The following MREG variants were observed in gnomAD, a reference collection of about 807,000 sequenced individuals.
The protein encoded by MREG is dilute suppressor protein homolog.
A neutral mutation model predicts 28.5 loss-of-function variants in MREG; 31 were observed. The ratio of observed to expected loss-of-function variants is 1.09; its 90% confidence interval spans 0.82 to 1.47. MREG has a LOEUF of 1.47. MREG is among the 40% of genes most tolerant of loss of function. The pLI is 0.00. For missense variants in MREG, 256 were observed against 257.4 expected (o/e 0.99, Z 0.04); for synonymous variants, 106 against 95.2 (o/e 1.11, Z -0.66).
At chr2:215,982,328 A>T (rs1163233668) in intron 2 of MREG, among the ~76,000 whole-genome samples, 1 of 120,240 alleles carries the variant, frequency 8.3e-6, no homozygotes, top group East Asian at 2.2e-4. Flanking sequence ...TCACAGCAAA[A>T]CTCCGTCAAA....
chr2:215,996,670 A>T (rs891244904), intron 1 of MREG, among the ~76,000 whole-genome samples: 1 of 152,246 alleles, frequency 6.6e-6, no homozygotes, highest in South Asian at 2.1e-4. Flanking sequence ...AAATCACTTT[A>T]AAAAGAACAG....
intron 1 of MREG, among the ~76,000 whole-genome samples, chr2:216,021,457 G>A (rs1203269436): frequency 6.6e-6 from 1 of 152,204 alleles, no homozygotes; most frequent in Admixed American, 6.5e-5. Flanking sequence ...GGACTAAAAT[G>A]AGACAAATGA....
In MREG at chr2:215,944,772, T is replaced by G; in HGVS notation, c.*91A>C. 7.7e-7 allele frequency: 1 copy of G among 1,303,156 alleles called. No homozygotes were observed. The highest frequency in any genetic ancestry group is 1.0e-6 in the Non-Finnish European group (1 of 962,076). The allele number at this position is 1,303,156 out of a possible 1,614,324, so 80.7% of individuals were successfully genotyped here. Reference sequence around the variant, plus strand: ...TCATTTTTCACTAAGCAAACTCTATTTGCTCACTCTCTTCTACATGTAATT... The same window carrying G: ...TCATTTTTCACTAAGCAAACTCTATGTGCTCACTCTCTTCTACATGTAATT... On this transcript the variant is annotated 3_prime_UTR_variant, in exon 5 of 5. Transcript: ENST00000263268.
At chr2:216,026,045 C>T (rs1574663000) in intron 1 of MREG, among the ~76,000 whole-genome samples, 1 of 152,186 alleles carries the variant, frequency 6.6e-6, no homozygotes, top group East Asian at 1.9e-4. Flanking sequence ...CCTAGAAGTA[C>T]TGACATATGC....
intron 2 of MREG, among the ~76,000 whole-genome samples, chr2:215,954,214 T>A (rs1431603503): frequency 6.6e-6 from 1 of 152,202 alleles, no homozygotes; most frequent in East Asian, 1.9e-4. Flanking sequence ...ATGATTGGCT[T>A]AACCATTCAA....
intron 2 of MREG, among the ~76,000 whole-genome samples, chr2:215,979,967 A>G (rs1574622291): frequency 4.4e-5 from 2 of 45,430 alleles, no homozygotes; most frequent in African/African-American, 1.5e-4. Flanking sequence ...GATGTGAAAA[A>G]AACAAACAAA....
At chr2:215,966,580 A>C (rs1032401313) in intron 2 of MREG, among the ~76,000 whole-genome samples, 4 of 151,164 alleles carry the variant, frequency 2.6e-5, no homozygotes, top group South Asian at 2.1e-4. Context: ...ACTTAAGTTC[A>C]AGCCTTGTAA....
intron 2 of MREG, among the ~76,000 whole-genome samples, chr2:215,970,721 G>A (rs568511115): frequency 3.3e-5 from 5 of 152,318 alleles, no homozygotes; most frequent in Non-Finnish European, 7.3e-5. Context: ...GCCTGCCAAT[G>A]CCACAGGCTT....
Position 215,985,945 on chromosome 2 carries a change from T to A in MREG, c.255+10361A>T, listed in dbSNP as rs567357561. 1.1e-4 allele frequency among the ~76,000 whole-genome samples: 16 copies of A among 152,308 alleles called. No homozygotes were observed. In the South Asian group the frequency reaches 1.5e-3, roughly 14 times the overall value. The stretch of plus-strand genomic sequence containing the variant: ...TTTTTTAATTAAAATCTGTACCAAT[T>A]TTATCCTGTGTGGAAAAGAAAATAA... On this transcript the variant is annotated intron_variant, in intron 2 of 4. Coordinates refer to ENST00000263268, the MANE Select transcript of MREG (RefSeq NM_018000.3).
intron 1 of MREG, among the ~76,000 whole-genome samples, chr2:216,010,878 C>A (rs1268942760): frequency 4.6e-5 from 7 of 151,210 alleles, no homozygotes; most frequent in Non-Finnish European, 7.4e-5. Context: ...AGGCAGATCA[C>A]GAGGTCAGGA....
In MREG at chr2:215,966,848, C is replaced by T. The variant is rs564321283; in HGVS notation, c.256-19735G>A. ...AACTCCTGACCTCGTGATCCTACCACCTTGGCCTCCCAAAATGCTGGGATT... is the reference window on the plus strand; with the variant it reads ...AACTCCTGACCTCGTGATCCTACCATCTTGGCCTCCCAAAATGCTGGGATT... On this transcript the variant is annotated intron_variant, in intron 2 of 4. Transcript: ENST00000263268. Among the ~76,000 whole-genome samples the T allele has an allele frequency of 5.4e-3, 829 of 152,292 alleles. 8 individuals are homozygous for T. The highest frequency in any genetic ancestry group is 0.022 in the South Asian group (107 of 4,826).
At position 216,025,109 on chromosome 2, in the gene MREG, G is replaced by GAATGCATGAA. The variant is rs1328512297; in HGVS notation, c.-68+7670_-68+7679dup. On this transcript the variant is annotated intron_variant, in intron 1 of 3. Transcript: ENST00000420348. ...ACTGTGACATCCCTGAAAAGCATGAGAATGCATGAAAATGCACATCTCATT... is the reference window on the plus strand; with the variant it reads ...ACTGTGACATCCCTGAAAAGCATGAGAATGCATGAAAATGCATGAAAATGCACATCTCATT... Among the ~76,000 whole-genome samples the GAATGCATGAA allele has an allele frequency of 2.1e-4, 32 of 152,242 alleles. No homozygotes were observed. In the East Asian group the frequency reaches 2.5e-3, roughly 12 times the overall value.
rs7575483 is a variant in MREG at position 215,999,661 on chromosome 2, C to T, written c.96-3196G>A. Among the ~76,000 whole-genome samples the T allele has an allele frequency of 7.4e-3, 1,124 of 152,168 alleles. 8 individuals are homozygous for T. The highest frequency in any genetic ancestry group is 0.025 in the African/African-American group (1,058 of 41,498). ...AGATAAAAGTAAGCGAGGTTGAGAG[C>T]GAGGGAAATAGCAGTGAGAGTGGAA... On this transcript the variant is annotated intron_variant, in intron 1 of 4. Transcript: ENST00000263268.
intron 1 of MREG, among the ~76,000 whole-genome samples, chr2:215,999,753 A>G (rs2372681): frequency 0.33 from 50,796 of 152,010 alleles, 8,556 homozygotes; most frequent in South Asian, 0.43. Flanking sequence ...GCACAGAGGT[A>G]CCAGCGAAGG....
intron 2 of MREG, among the ~76,000 whole-genome samples, chr2:215,992,546 T>C (rs1230167151): frequency 6.6e-6 from 1 of 152,148 alleles, no homozygotes; most frequent in Non-Finnish European, 1.5e-5. Flanking sequence ...TTCAACATAG[T>C]ATTGGAAGTT....
At chr2:215,988,368 A>G (rs2106008067) in intron 2 of MREG, among the ~76,000 whole-genome samples, 1 of 152,308 alleles carries the variant, frequency 6.6e-6, no homozygotes, top group South Asian at 2.1e-4. Context: ...CAGCCTAGAT[A>G]CTATGCTTTT....
intron 1 of MREG, among the ~76,000 whole-genome samples, chr2:215,996,964 A>G (rs1693891425): frequency 6.6e-6 from 1 of 152,110 alleles, no homozygotes; most frequent in South Asian, 2.1e-4. Flanking sequence ...TATTTTTCAT[A>G]AAGACAGGGT....
intron 1 of MREG, among the ~76,000 whole-genome samples, chr2:216,025,397 C>T (rs893459849): frequency 6.6e-6 from 1 of 152,204 alleles, no homozygotes; most frequent in East Asian, 1.9e-4. Flanking sequence ...AAATCTGGTA[C>T]TGCCAATTAG....
chr2:216,033,653 G>T (rs571748399), upstream of MREG: 1 of 152,472 alleles, frequency 6.6e-6, no homozygotes, highest in South Asian at 2.1e-4. Flanking sequence ...AAGTCTGAAG[G>T]CTGCAGACAA....
Sources: allele counts gnomAD v4.1 joint callset (sites outside exome capture counted in the v4.1 genomes callset), GRCh38; gene constraint gnomAD v4.1.1; transcripts MANE v1.5; gene names NCBI Gene and HGNC (gene_info 2026-07-23, HGNC 2026-07-21).